The following LRP5 variants were observed in gnomAD, a reference collection of about 807,000 sequenced individuals.
LRP5 encodes LDL receptor related protein 5, also known as low-density lipoprotein receptor-related protein 5.
LRP5 carries 62 observed loss-of-function variants against 154.1 expected under a neutral mutation model. The observed-to-expected ratio is 0.40, with a 90% CI of 0.33 to 0.50. LRP5 has a LOEUF of 0.50. Among genes scored for constraint, LRP5 ranks in the 20% least tolerant of loss-of-function variants. The pLI, the probability that LRP5 is intolerant of heterozygous loss-of-function variation, is 0.55. For missense variants in LRP5, 1,915 were observed against 2,336.7 expected (o/e 0.82, Z 3.72); for synonymous variants, 966 against 1,011.5 (o/e 0.96, Z 0.85).
chr11:68,299,023 C>T, the LRP5 span, among the ~76,000 whole-genome samples: 66 of 152,196 alleles, frequency 4.3e-4, no homozygotes, highest in Admixed American at 5.2e-4. Flanking sequence ...TAGGGACATC[C>T]GCCGTCCCGA....
intron 10 of LRP5, 86 bp from the exon 11 acceptor site, chr11:68,411,350 T>G: frequency 7.0e-7 from 1 of 1,418,616 alleles, no homozygotes. Flanking sequence ...GCTGAAGAGG[T>G]GGGGACAGTT....
chr11:68,305,885 T>C, the LRP5 span, among the ~76,000 whole-genome samples: 2 of 152,224 alleles, frequency 1.3e-5, no homozygotes, highest in African/African-American at 4.8e-5. Context: ...CATAACAAAT[T>C]ACCACAAATC....
At chr11:68,396,146 G>A (rs1440575217) in intron 7 of LRP5, among the ~76,000 whole-genome samples, 2 of 152,136 alleles carry the variant, frequency 1.3e-5, no homozygotes, top group Non-Finnish European at 2.9e-5. Flanking sequence ...GAGGTGCAAG[G>A]AGCCACGGCT....
chr11:68,351,235 C>T (rs978014787), intron 2 of LRP5, among the ~76,000 whole-genome samples: 1 of 152,132 alleles, frequency 6.6e-6, no homozygotes, highest in African/African-American at 2.4e-5. Context: ...TGGGCAACCA[C>T]TCATCCCTGG....
chr11:68,407,962 A>G lies in LRP5; in HGVS notation c.2091+1149A>G, dbSNP rs548445077. Among the ~76,000 whole-genome samples, 208 of 152,222 alleles carry G rather than the reference A, an allele frequency of 1.4e-3. 2 individuals are homozygous for G. Among genetic ancestry groups the G allele is most frequent in the Non-Finnish European group, 3.8e-4 (26 of 68,048 alleles). On this transcript the variant is annotated intron_variant, in intron 9 of 22. Transcript: ENST00000294304. ...CAGATCTGTATGGGCTCTAAAGCCTAAAACATGTGCCATCCGCCCCTTTAC... is the reference window on the plus strand; with the variant it reads ...CAGATCTGTATGGGCTCTAAAGCCTGAAACATGTGCCATCCGCCCCTTTAC...
At chr11:68,366,710 C>G (rs1183371390) in intron 5 of LRP5, among the ~76,000 whole-genome samples, 1 of 152,114 alleles carries the variant, frequency 6.6e-6, no homozygotes, top group Non-Finnish European at 1.5e-5. Flanking sequence ...TCCGCTGTGC[C>G]GGCTGCTGCA....
chr11:68,330,107 G>T (rs1206306311), intron 1 of LRP5, among the ~76,000 whole-genome samples: 2 of 152,082 alleles, frequency 1.3e-5, no homozygotes, highest in East Asian at 3.9e-4. Flanking sequence ...GCTAACTCAG[G>T]GCTTGCAGAG....
intron 1 of LRP5, among the ~76,000 whole-genome samples, chr11:68,328,243 AG>A (rs3842247): frequency 0.48 from 73,087 of 152,120 alleles, 20,103 homozygotes; most frequent in South Asian, 0.82. Context: ...CAGGAACAGT[AG>A]ATCATTTGAA....
chr11:68,433,536 T>G, intron 17 of LRP5, 66 bp from the exon 18 acceptor site: 4 of 1,382,892 alleles, frequency 2.9e-6, no homozygotes, highest in Non-Finnish European at 4.1e-6. Flanking sequence ...TGAAGCCCAG[T>G]CACGCCATTG....
intron 1 of LRP5, among the ~76,000 whole-genome samples, chr11:68,336,186 G>C (rs2098605580): frequency 6.6e-6 from 1 of 152,288 alleles, no homozygotes; most frequent in South Asian, 2.1e-4. Flanking sequence ...GCAAGGAAAG[G>C]TACAAGCCGA....
chr11:68,394,618 A>G (rs1308119864), intron 7 of LRP5, among the ~76,000 whole-genome samples: 1 of 152,034 alleles, frequency 6.6e-6, no homozygotes, highest in African/African-American at 2.4e-5. Context: ...GGCGCCTGCC[A>G]CCGCGCCCGG....
At chr11:68,433,540 G>A (rs2098673106) in intron 17 of LRP5, 62 bp from the exon 18 acceptor site, 8 of 1,413,434 alleles carry the variant, frequency 5.7e-6, no homozygotes, top group South Asian at 2.3e-5. Flanking sequence ...GCCCAGTCAC[G>A]CCATTGCCTG....
At chr11:68,425,040 C>T in intron 14 of LRP5, 62 bp from the exon 15 acceptor site, 2 of 1,512,310 alleles carry the variant, frequency 1.3e-6, no homozygotes, top group Non-Finnish European at 1.8e-6. Flanking sequence ...GTGCCCTGGG[C>T]TCCGTGCTGT....
intron 7 of LRP5, among the ~76,000 whole-genome samples, chr11:68,399,707 T>A (rs2098651563): frequency 6.6e-6 from 1 of 152,154 alleles, no homozygotes; most frequent in African/African-American, 2.4e-5. Context: ...TTCTTGGAAA[T>A]ATCTGGCTCC....
At chr11:68,445,502 C>A in intron 21 of LRP5, 1 of 848,262 alleles carries the variant, frequency 1.2e-6, no homozygotes, top group Non-Finnish European at 1.7e-6. Context: ...TGTTCTTGTA[C>A]CACCCTAGGG....
Position 68,413,970 on chromosome 11 carries a change from G to A in LRP5, c.2785G>A (p.Ala929Thr), listed in dbSNP as rs372374697. 17 of 1,606,678 alleles carry A rather than the reference G, an allele frequency of 1.1e-5. No homozygotes were observed. The East Asian group carries it at 1.1e-4, about 11-fold the overall frequency. Reference protein sequence around the residue: ...AIPGGHRCGCASHYTLDPSSR... With the variant: ...AIPGGHRCGCTSHYTLDPSSR... ...CCCCGGCGGCCACCGCTGCGGCTGC[G>A]CCTCACACTACACCCTGGACCCCAG... Residue 929 changes from alanine to threonine, a missense_variant, in exon 12 of 23, where the codon GCC becomes ACC. Physicochemically the swap from Ala to Thr is moderately conservative, Grantham distance 58 (BLOSUM62 0). Coordinates refer to ENST00000294304, the MANE Select transcript of LRP5 (RefSeq NM_002335.4). The surrounding 1 kb of genome is among the most constrained non-coding windows in gnomAD (Gnocchi z 5.1).
chr11:68,425,320 G>A (rs200126456), intron 15 of LRP5, 28 bp downstream of exon 15: 46 of 1,587,818 alleles, frequency 2.9e-5, no homozygotes, highest in South Asian at 1.7e-4. Flanking sequence ...TGCCCTAACC[G>A]CAGACACCCG....
At chr11:68,303,602 T>A in the LRP5 span, among the ~76,000 whole-genome samples, 1 of 152,142 alleles carries the variant, frequency 6.6e-6, no homozygotes, top group Non-Finnish European at 1.5e-5. Context: ...CAAGTAATTC[T>A]CCTGCCTCAG....
intron 1 of LRP5, among the ~76,000 whole-genome samples, chr11:68,341,080 C>CTTTTTTTTTTTTTTTTTTTTTTTTTTTT (rs2098608853): frequency 1.8e-5 from 1 of 55,478 alleles, no homozygotes; most frequent in African/African-American, 1.0e-4. Context: ...TTTTTTTTTG[C>CTTTTTTTTTTTTTTTTTTTTTTTTTTTT]TATTACAAAT....
Sources: allele counts gnomAD v4.1 joint callset (sites outside exome capture counted in the v4.1 genomes callset), GRCh38; gene constraint gnomAD v4.1.1; non-coding constraint Gnocchi (gnomAD v3.1); transcripts MANE v1.5; gene names NCBI Gene and HGNC (gene_info 2026-07-23, HGNC 2026-07-21).